Variants in ZC3H11A observed in about 807,000 individuals in gnomAD.
ZC3H11A encodes the protein zinc finger CCCH domain-containing protein 11A.
Under a neutral mutation model 90.8 loss-of-function variants are expected in ZC3H11A, and 22 were observed. The observed-to-expected ratio is 0.24, with a 90% confidence interval of 0.17 to 0.35. The LOEUF (loss-of-function observed/expected upper bound fraction) is 0.35. Ranked by LOEUF, ZC3H11A falls within the 10% of genes least tolerant of loss-of-function variation. The pLI is 1.00. For missense variants in ZC3H11A, 701 were observed against 964.9 expected, an observed-to-expected ratio of 0.73 and a Z score of 3.62; for synonymous variants, 294 against 339.8, an observed-to-expected ratio of 0.87 and a Z score of 1.48.
chr1:203,815,573 A>G (rs1036961365), intron 2 of ZC3H11A, among the ~76,000 whole-genome samples: 1 of 151,826 alleles, frequency 6.6e-6, no homozygotes, highest in Non-Finnish European at 1.5e-5. Context: ...TGTTACCTTT[A>G]ATACTTTTAC....
chr1:203,831,878 T>C (rs1158260806), intron 9 of ZC3H11A, 107 bp downstream of exon 9: 2 of 866,218 alleles, frequency 2.3e-6, no homozygotes, highest in Non-Finnish European at 3.6e-6. Flanking sequence ...AGGAATTTGT[T>C]AGTATGCTGA....
chr1:203,843,146 G>T (rs1470672733), intron 12 of ZC3H11A, among the ~76,000 whole-genome samples: 1 of 151,608 alleles, frequency 6.6e-6, no homozygotes, highest in Non-Finnish European at 1.5e-5. Flanking sequence ...AGATTTCTAG[G>T]GTTTTATCTC....
rs1297088920 is a variant in ZC3H11A, at chr1:203,853,221, C to T, written c.*822C>T. The T allele has an allele frequency of 6.6e-6, 1 of 152,462 alleles. No individual in the cohort carries two copies. Among genetic ancestry groups the T allele is most frequent in the Admixed American group, 6.6e-5 (1 of 15,254 alleles). The allele number at this position is 152,462 out of a possible 1,614,324, so 9.4% of individuals were successfully genotyped here. On this transcript the variant is annotated 3_prime_UTR_variant, in exon 18 of 18. Transcript: ENST00000367210. Reference sequence around the variant, plus strand: ...CCTCCTTGCTGGCATTGAATTAACACAGGGACAAAATTTGGTTAATTTTTT... The same window carrying T: ...CCTCCTTGCTGGCATTGAATTAACATAGGGACAAAATTTGGTTAATTTTTT...
intron 12 of ZC3H11A, among the ~76,000 whole-genome samples, chr1:203,846,289 A>G (rs982639669): frequency 5.9e-5 from 9 of 152,096 alleles, no homozygotes; most frequent in Admixed American, 1.3e-4. Context: ...AGTAATGAGA[A>G]TGGTTCTATC....
At chr1:203,824,524 C>T (rs6658514) in intron 4 of ZC3H11A, among the ~76,000 whole-genome samples, 1 of 151,980 alleles carries the variant, frequency 6.6e-6, no homozygotes, top group Non-Finnish European at 1.5e-5. Context: ...CTTGGCCATT[C>T]GTAGGCATGT....
intron 15 of ZC3H11A, 38 bp from the exon 16 acceptor site, chr1:203,850,477 A>C (rs187307997): frequency 1.2e-6 from 2 of 1,612,018 alleles, no homozygotes; most frequent in Non-Finnish European, 1.7e-6. Context: ...AAAAGAGTCT[A>C]TTCTCACTGC....
intron 10 of ZC3H11A, among the ~76,000 whole-genome samples, chr1:203,834,628 C>A (rs1683631286): frequency 6.6e-6 from 1 of 151,902 alleles, no homozygotes; most frequent in Admixed American, 6.6e-5. Flanking sequence ...GTATAACTAC[C>A]CTAACGTGTC....
intron 11 of ZC3H11A, among the ~76,000 whole-genome samples, chr1:203,839,029 A>G (rs1326522650): frequency 1.3e-5 from 2 of 151,944 alleles, no homozygotes; most frequent in African/African-American, 4.8e-5. Context: ...GCATTTTAAA[A>G]CCATTACCTT....
intron 1 of ZC3H11A, chr1:203,801,209 G>A (rs1451724922): frequency 6.6e-6 from 1 of 152,134 alleles, no homozygotes; most frequent in African/African-American, 2.4e-5. Flanking sequence ...GGTTGAATGG[G>A]AATTGTAATG....
At chr1:203,828,093 A>G (rs1681150838) in intron 4 of ZC3H11A, among the ~76,000 whole-genome samples, 1 of 152,202 alleles carries the variant, frequency 6.6e-6, no homozygotes, top group South Asian at 2.1e-4. Context: ...GGAAAGAATA[A>G]CATAAACTAC....
Position 203,802,161 on chromosome 1 carries a change from G to A in ZC3H11A, c.-1001G>A, listed in dbSNP as rs1394142935. On this transcript the variant is annotated 5_prime_UTR_variant, in exon 2 of 18. Coordinates refer to ENST00000367210, the MANE Select transcript of ZC3H11A (RefSeq NM_001376342.1). ...CTCTGTAGTTACTCTATTACCATAC[G>A]TTTCTATCTTTTTTGGTTAAACACT... 3 of 152,432 alleles carry A rather than the reference G, an allele frequency of 2.0e-5. No individual in the cohort carries two copies. Among genetic ancestry groups the A allele is most frequent in the Admixed American group, 1.3e-4 (2 of 15,256 alleles). The allele number at this position is 152,432 out of a possible 1,614,324, so 9.4% of individuals were successfully genotyped here. A position where few individuals can be genotyped will look rare whatever the true frequency, so the allele number is the denominator to read the frequency against.
chr1:203,798,290 T>A (rs1338321297), intron 1 of ZC3H11A: 3 of 1,536,026 alleles, frequency 2.0e-6, no homozygotes, highest in Non-Finnish European at 2.6e-6. Flanking sequence ...TTGTCAAGCA[T>A]GCTTTAATTC....
intron 2 of ZC3H11A, among the ~76,000 whole-genome samples, chr1:203,809,910 C>T (rs750405501): frequency 1.3e-5 from 2 of 152,008 alleles, no homozygotes; most frequent in African/African-American, 4.8e-5. Context: ...GTCAAGATCA[C>T]GCAACTGCAC....
intron 2 of ZC3H11A, chr1:203,806,328 G>T: frequency 4.4e-6 from 1 of 226,256 alleles, no homozygotes; most frequent in Non-Finnish European, 8.8e-6. Context: ...TTGAGACGGA[G>T]TCTCGCTCTG....
intron 12 of ZC3H11A, among the ~76,000 whole-genome samples, chr1:203,843,682 G>C (rs571849813): frequency 6.6e-6 from 1 of 152,176 alleles, no homozygotes; most frequent in Non-Finnish European, 1.5e-5. Flanking sequence ...ACAAAATTAG[G>C]TGGTGGCCAT....
Position 203,822,201 on chromosome 1 carries a change from A to G in ZC3H11A, c.174+3512A>G, listed in dbSNP as rs189299486. ...TCCAGAAGTGAGAAACTTGGTTTTC[A>G]TTGTTCATAATACTTTTATTTATTT... On this transcript the variant is annotated intron_variant, in intron 4 of 17. Transcript: ENST00000367210. 1.8e-3 allele frequency among the ~76,000 whole-genome samples: 279 copies of G among 152,224 alleles called. 2 individuals are homozygous for G. The highest frequency in any genetic ancestry group is 6.5e-3 in the African/African-American group (268 of 41,532).
At chr1:203,798,580 C>G in intron 1 of ZC3H11A, 1 of 1,536,128 alleles carries the variant, frequency 6.5e-7, no homozygotes, top group Non-Finnish European at 8.7e-7. Flanking sequence ...GAAAAGTCTA[C>G]AGGCAGCCAA....
chr1:203,831,552 A>G (rs2103040130), intron 8 of ZC3H11A, 109 bp from the exon 9 acceptor site: 3 of 829,362 alleles, frequency 3.6e-6, no homozygotes, highest in South Asian at 1.6e-5. Flanking sequence ...GCTTATAGTC[A>G]TAATATCAGT....
At chr1:203,850,153 G>T (rs1688923862) in intron 15 of ZC3H11A, 127 bp downstream of exon 15, 1 of 794,830 alleles carries the variant, frequency 1.3e-6, no homozygotes. Flanking sequence ...CAGGTAGATA[G>T]TAATATTTCT....
Sources: gnomAD v4.1 joint callset for allele counts (sites outside exome capture counted in the v4.1 genomes callset) on GRCh38, gnomAD v4.1.1 for gene constraint, MANE v1.5 for transcripts, NCBI Gene and HGNC (gene_info 2026-07-23, HGNC 2026-07-21) for gene names.